The following AFF3 variants were observed in gnomAD, a reference collection of about 807,000 sequenced individuals.
AFF3 encodes the protein AF4/FMR2 family member 3.
Under a neutral mutation model 129.7 loss-of-function variants are expected in AFF3, and 32 were observed. The ratio of observed to expected loss-of-function variants is 0.25; its 90% confidence interval spans 0.19 to 0.33. The LOEUF is 0.33. Among genes scored for constraint, AFF3 ranks in the 10% least tolerant of loss-of-function variants. AFF3 has a pLI of 1.00. For synonymous variants in AFF3, 644 were observed against 635.4 expected, an observed-to-expected ratio of 1.01 and a Z score of -0.20; for missense variants, 1,373 against 1,592.0, an observed-to-expected ratio of 0.86 and a Z score of 2.34.
chr2:99,788,422 C>G (rs564014649), intron 8 of AFF3, among the ~76,000 whole-genome samples: 8 of 152,182 alleles, frequency 5.3e-5, no homozygotes, highest in East Asian at 1.9e-4. Context: ...TGCAGGCCTA[C>G]ACTAATGTGC....
At chr2:99,704,303 T>C (rs1677156948) in intron 11 of AFF3, among the ~76,000 whole-genome samples, 1 of 152,200 alleles carries the variant, frequency 6.6e-6, no homozygotes, top group African/African-American at 2.4e-5. Context: ...TCTTTAAGGG[T>C]AGATCTACTA....
At chr2:99,709,312 C>G (rs1268932956) in intron 11 of AFF3, among the ~76,000 whole-genome samples, 1 of 152,166 alleles carries the variant, frequency 6.6e-6, no homozygotes, top group Admixed American at 6.6e-5. Flanking sequence ...GTTTCCTAAC[C>G]TTTCTGTGCA....
intron 7 of AFF3, among the ~76,000 whole-genome samples, chr2:99,855,134 A>C (rs1290195609): frequency 6.6e-6 from 1 of 152,228 alleles, no homozygotes; most frequent in Non-Finnish European, 1.5e-5. Flanking sequence ...CTACAAAAAA[A>C]TCGTTAAAAT....
At chr2:100,054,712 T>C (rs1228830974) in intron 4 of AFF3, among the ~76,000 whole-genome samples, 1 of 152,218 alleles carries the variant, frequency 6.6e-6, no homozygotes, top group Admixed American at 6.5e-5. Context: ...ATCCTATTGG[T>C]TCTATTTCCC....
intron 11 of AFF3, among the ~76,000 whole-genome samples, chr2:99,676,294 G>A (rs987414298): frequency 6.6e-6 from 1 of 152,142 alleles, no homozygotes; most frequent in African/African-American, 2.4e-5. Flanking sequence ...ATGTCCGTCC[G>A]TAGCAGACCA....
intron 7 of AFF3, among the ~76,000 whole-genome samples, chr2:99,873,684 G>A (rs1692047318): frequency 6.6e-6 from 1 of 151,472 alleles, no homozygotes; most frequent in Admixed American, 6.6e-5. Flanking sequence ...CATCATTTGA[G>A]GCTCTTGGTT....
At chr2:99,877,645 G>A (rs1350859309) in intron 7 of AFF3, among the ~76,000 whole-genome samples, 3 of 152,160 alleles carry the variant, frequency 2.0e-5, no homozygotes, top group Admixed American at 6.5e-5. Flanking sequence ...TTTTTGGAAT[G>A]CAATGAAAAG....
intron 13 of AFF3, among the ~76,000 whole-genome samples, chr2:99,615,984 G>T (rs557774722): frequency 1.1e-4 from 16 of 152,336 alleles, no homozygotes; most frequent in African/African-American, 3.4e-4. Context: ...AGAATTGCCT[G>T]ATACTCTGAG....
intron 7 of AFF3, among the ~76,000 whole-genome samples, chr2:99,916,054 G>T (rs1316650239): frequency 6.6e-6 from 1 of 152,180 alleles, no homozygotes; most frequent in East Asian, 1.9e-4. Context: ...GAACTAGATG[G>T]ATCTTTTCTC....
At chr2:99,928,726 C>T (rs916612429) in intron 7 of AFF3, among the ~76,000 whole-genome samples, 10 of 152,252 alleles carry the variant, frequency 6.6e-5, no homozygotes, top group East Asian at 1.9e-4. Flanking sequence ...CTCCGGAGGC[C>T]GGTCTTGGCC....
In AFF3 at chr2:99,724,271, C is replaced by CTTTTTTTTTTTTTTTTTTTTTTTTTTT. The variant is rs58303232; in HGVS notation, c.1091+2805_1091+2806insAAAAAAAAAAAAAAAAAAAAAAAAAAA. ...TCCTCACTTCAGTGGAATGACCTTTCTTTTTTTTTTTTTTTTTTTGAGACA... is the reference window on the plus strand; with the variant it reads ...TCCTCACTTCAGTGGAATGACCTTTCTTTTTTTTTTTTTTTTTTTTTTTTTTTTTTTTTTTTTTTTTTTTTTGAGACA... On this transcript the variant is annotated intron_variant, in intron 11 of 24. Coordinates refer to ENST00000672756, the MANE Select transcript of AFF3 (RefSeq NM_001386135.1). Among the ~76,000 whole-genome samples the CTTTTTTTTTTTTTTTTTTTTTTTTTTT allele has an allele frequency of 9.0e-5, 6 of 66,862 alleles. 2 individuals carry two copies. The highest frequency in any genetic ancestry group is 1.1e-3 in the East Asian group (2 of 1,754). 43.9% of individuals were successfully genotyped at this position (66,862 alleles called of 152,430 possible).
chr2:99,800,962 G>C (rs1051341233), intron 8 of AFF3, among the ~76,000 whole-genome samples: 3 of 152,078 alleles, frequency 2.0e-5, no homozygotes, highest in African/African-American at 7.2e-5. Context: ...CAATTACAAG[G>C]GGTCTGAGAA....
intron 7 of AFF3, among the ~76,000 whole-genome samples, chr2:99,957,510 A>G (rs1171536212): frequency 6.6e-6 from 1 of 152,190 alleles, no homozygotes; most frequent in Non-Finnish European, 1.5e-5. Context: ...TCTTTACAGA[A>G]TCAAAATGAC....
chr2:99,969,332 A>G (rs1678108800), intron 7 of AFF3, among the ~76,000 whole-genome samples: 1 of 152,218 alleles, frequency 6.6e-6, no homozygotes, highest in African/African-American at 2.4e-5. Flanking sequence ...ATGAAGATCC[A>G]TGTTTGGACA....
rs540559393 is a variant in AFF3, at chr2:99,855,589, A to T, written c.874-18065T>A. On this transcript the variant is annotated intron_variant, in intron 7 of 24. Coordinates refer to ENST00000672756, the MANE Select transcript of AFF3 (RefSeq NM_001386135.1). ...AAAGTAGCATTGGATTATAAGGTGA[A>T]GTATTAAAAAAATTTTCATGATCCC... 2.6e-5 allele frequency among the ~76,000 whole-genome samples: 4 copies of T among 152,338 alleles called. No individual in the cohort carries two copies. In the East Asian group the frequency reaches 5.8e-4, roughly 22 times the overall value.
At position 99,865,354 on chromosome 2, in the gene AFF3, G is replaced by A. The variant is rs113107065; in HGVS notation, c.874-27830C>T. Among the ~76,000 whole-genome samples the A allele has an allele frequency of 7.8e-3, 1,194 of 152,322 alleles. 7 individuals carry two copies. The highest frequency in any genetic ancestry group is 0.011 in the African/African-American group (439 of 41,566). ...AGGCAGCTTTGGCCCATGAGCAATA[G>A]GCTCTAGAGACAGAGAGTGGTGAAA... On this transcript the variant is annotated intron_variant, in intron 7 of 24. Transcript: ENST00000672756.
At chr2:99,686,985 A>T (rs1038748035) in intron 11 of AFF3, among the ~76,000 whole-genome samples, 1 of 152,246 alleles carries the variant, frequency 6.6e-6, no homozygotes, top group Non-Finnish European at 1.5e-5. Context: ...TTGCCAGCCA[A>T]TGCAAACCAA....
At chr2:99,993,887 C>T (rs1043466070) in intron 7 of AFF3, among the ~76,000 whole-genome samples, 1 of 137,684 alleles carries the variant, frequency 7.3e-6, no homozygotes, top group African/African-American at 2.7e-5. Flanking sequence ...CTCATTGCAA[C>T]CTCCACCTCC....
At position 99,737,689 on chromosome 2, in the gene AFF3, G is replaced by A. The variant is rs1680374505; in HGVS notation, c.1039+6415C>T. Among the ~76,000 whole-genome samples, 2 of 150,710 alleles carry A rather than the reference G, an allele frequency of 1.3e-5. 1 individual carries two copies. The highest frequency in any genetic ancestry group is 4.2e-4 in the South Asian group (2 of 4,776). On this transcript the variant is annotated intron_variant, in intron 10 of 24. Transcript: ENST00000672756. Reference sequence around the variant, plus strand: ...ATTCACTGGGTTTCTTGACTCTGTGGATTAATGTCTTTCAAGTCTGGAAAA... The same window carrying A: ...ATTCACTGGGTTTCTTGACTCTGTGAATTAATGTCTTTCAAGTCTGGAAAA...
Sources: gnomAD v4.1 joint callset for allele counts (sites outside exome capture counted in the v4.1 genomes callset) on GRCh38, gnomAD v4.1.1 for gene constraint, MANE v1.5 for transcripts, NCBI Gene and HGNC (gene_info 2026-07-23, HGNC 2026-07-21) for gene names.